TREM1: variants seen among roughly 807,000 people sequenced by gnomAD.
TREM1 encodes the protein triggering receptor expressed on monocytes 1.
Under a neutral mutation model 22.4 loss-of-function variants are expected in TREM1, and 16 were observed. The observed-to-expected ratio is 0.71, with a 90% CI of 0.48 to 1.08. The LOEUF (loss-of-function observed/expected upper bound fraction) is 1.08. TREM1 is among the 50% of genes least tolerant of loss of function. The pLI is 0.00. For missense variants in TREM1, 283 were observed against 282.9 expected (o/e 1.00, Z 0.00); for synonymous variants, 110 against 111.6 (o/e 0.99, Z 0.09).
chr6:41,275,873 G>T lies in TREM1; in HGVS notation c.*252C>A, dbSNP rs1767643323. On this transcript the variant is annotated 3_prime_UTR_variant, in exon 4 of 4. Coordinates refer to ENST00000244709, the MANE Select transcript of TREM1 (RefSeq NM_018643.5). ...CTGTATTTCATGCCAACCCCAAGTG[G>T]CTGGTGGAATGAAGGACCAAGCATG... The T allele has an allele frequency of 3.8e-6, 2 of 532,244 alleles. No individual in the cohort carries two copies. Among genetic ancestry groups the T allele is most frequent in the African/African-American group, 3.8e-5 (2 of 52,496 alleles). 33.0% of individuals were successfully genotyped at this position (532,244 alleles called of 1,614,324 possible). A position where few individuals can be genotyped will look rare whatever the true frequency, so the allele number is the denominator to read the frequency against.
chr6:41,273,195 T>C (rs542564438), downstream of TREM1, among the ~76,000 whole-genome samples: 2 of 152,280 alleles, frequency 1.3e-5, no homozygotes, highest in East Asian at 3.9e-4. Context: ...GCCTCCAGTA[T>C]CCAGGGCAGT....
downstream of TREM1, among the ~76,000 whole-genome samples, chr6:41,272,841 G>A (rs765612282): frequency 1.8e-4 from 27 of 152,156 alleles, no homozygotes; most frequent in Non-Finnish European, 8.8e-5. Flanking sequence ...TTACTCAGGC[G>A]TCTCCTTGGA....
chr6:41,280,389 A>G (rs1004968480), intron 3 of TREM1: 1 of 988,618 alleles, frequency 1.0e-6, no homozygotes, highest in Admixed American at 5.8e-5. Context: ...TTCTGATTCT[A>G]TTTATCTATA....
chr6:41,281,302 A>ATT, intron 2 of TREM1, 149 bp from the exon 3 acceptor site: 1 of 908,932 alleles, frequency 1.1e-6, no homozygotes, highest in South Asian at 1.8e-5. Flanking sequence ...GAGGAGGGAA[A>ATT]TGAGCATGGC....
chr6:41,285,846 T>C (rs1768143066), intron 1 of TREM1, among the ~76,000 whole-genome samples: 1 of 152,184 alleles, frequency 6.6e-6, no homozygotes, highest in South Asian at 2.1e-4. Context: ...ATGACTTTGC[T>C]CAAAGTAGAG....
downstream of TREM1, among the ~76,000 whole-genome samples, chr6:41,270,544 G>C (rs1767454538): frequency 6.6e-6 from 1 of 151,170 alleles, no homozygotes; most frequent in Non-Finnish European, 1.5e-5. Context: ...GTTGAAGTTT[G>C]AATCTACGTG....
chr6:41,276,737 C>T (rs980282528), intron 3 of TREM1, among the ~76,000 whole-genome samples: 2 of 152,076 alleles, frequency 1.3e-5, no homozygotes, highest in Non-Finnish European at 2.9e-5. Context: ...AGTGAGGGCA[C>T]TTGGCCAGTT....
chr6:41,271,484 C>T (rs1767478478), downstream of TREM1, among the ~76,000 whole-genome samples: 1 of 152,184 alleles, frequency 6.6e-6, no homozygotes, highest in Non-Finnish European at 1.5e-5. Flanking sequence ...GAGTGACTTC[C>T]ACAGAAGTTT....
intron 2 of TREM1, 137 bp from the exon 3 acceptor site, chr6:41,281,290 CTGAGGAGGGAA>C: frequency 9.6e-7 from 1 of 1,037,488 alleles, no homozygotes; most frequent in South Asian, 1.7e-5. Context: ...GTAAATGAAG[CTGAGGAGGGAA>C]ATGAGCATGG....
chr6:41,269,392 T>C (rs973289425), downstream of TREM1, among the ~76,000 whole-genome samples: 2 of 152,230 alleles, frequency 1.3e-5, no homozygotes, highest in African/African-American at 4.8e-5. Context: ...ATTTCATTGA[T>C]TCACCAGGTA....
At chr6:41,284,803 G>GT (rs1414171551) in intron 1 of TREM1, among the ~76,000 whole-genome samples, 4 of 152,226 alleles carry the variant, frequency 2.6e-5, no homozygotes, top group Non-Finnish European at 5.9e-5. Flanking sequence ...CTCACAAGGA[G>GT]TTTAAAGGTG....
intron 1 of TREM1, among the ~76,000 whole-genome samples, chr6:41,283,486 G>A (rs1245858974): frequency 1.3e-5 from 2 of 152,122 alleles, no homozygotes; most frequent in African/African-American, 4.8e-5. Context: ...GAGGAGGTCA[G>A]ATCACCTGAG....
chr6:41,283,443 G>A (rs898708230), intron 1 of TREM1, among the ~76,000 whole-genome samples: 3 of 152,178 alleles, frequency 2.0e-5, no homozygotes, highest in Admixed American at 6.5e-5. Flanking sequence ...AGGCACAGTG[G>A]CTCACGCATG....
downstream of TREM1, among the ~76,000 whole-genome samples, chr6:41,271,009 C>T (rs920356857): frequency 6.6e-6 from 1 of 152,172 alleles, no homozygotes; most frequent in Non-Finnish European, 1.5e-5. Context: ...CTTGGCCTCA[C>T]ACAGCTCTTT....
intron 1 of TREM1, among the ~76,000 whole-genome samples, chr6:41,283,318 A>G (rs1768012851): frequency 6.6e-6 from 1 of 152,108 alleles, no homozygotes; most frequent in Non-Finnish European, 1.5e-5. Context: ...TGGGTAGCAG[A>G]GCACCCCTTT....
chr6:41,285,707 A>G (rs1428432700), intron 1 of TREM1, among the ~76,000 whole-genome samples: 1 of 152,234 alleles, frequency 6.6e-6, no homozygotes, highest in Non-Finnish European at 1.5e-5. Flanking sequence ...TCAGAAAAAC[A>G]TGAATCAAAC....
chr6:41,270,896 G>T (rs185766297), downstream of TREM1, among the ~76,000 whole-genome samples: 1 of 152,236 alleles, frequency 6.6e-6, no homozygotes, highest in East Asian at 1.9e-4. Flanking sequence ...CTAGAAACAG[G>T]GATCTCACTA....
At chr6:41,272,649 G>A (rs1356412571), downstream of TREM1, among the ~76,000 whole-genome samples, 1 of 152,034 alleles carries the variant, frequency 6.6e-6, no homozygotes, top group Non-Finnish European at 1.5e-5. Context: ...GACCATGTCT[G>A]CAAGAGCTGC....
downstream of TREM1, among the ~76,000 whole-genome samples, chr6:41,272,945 A>G (rs1167166651): frequency 2.0e-5 from 3 of 152,162 alleles, no homozygotes; most frequent in Non-Finnish European, 2.9e-5. Flanking sequence ...ACAGGCCCCA[A>G]TGTGTGAGTT....
Sources: allele counts gnomAD v4.1 joint callset (sites outside exome capture counted in the v4.1 genomes callset), GRCh38; gene constraint gnomAD v4.1.1; transcripts MANE v1.5; gene names NCBI Gene and HGNC (gene_info 2026-07-23, HGNC 2026-07-21).